The following COL23A1 variants were observed in gnomAD, a reference collection of about 807,000 sequenced individuals.
The protein encoded by COL23A1 is collagen alpha-1(XXIII) chain.
Under a neutral mutation model 99.3 loss-of-function variants are expected in COL23A1, and 97 were observed. The ratio of observed to expected loss-of-function variants is 0.98; its 90% CI spans 0.83 to 1.16. COL23A1 has a LOEUF of 1.16. Ranked by LOEUF, COL23A1 falls within the 50% of genes most tolerant of loss-of-function variation. The probability of loss-of-function intolerance (pLI) is 0.00; values close to 1 mark genes in which losing one functional copy is unlikely to be tolerated. For synonymous variants in COL23A1, 320 were observed against 308.2 expected (o/e 1.04, Z -0.40); for missense variants, 762 against 757.4 (o/e 1.01, Z -0.07).
intron 8 of COL23A1, among the ~76,000 whole-genome samples, chr5:178,266,534 C>G (rs777881387): frequency 1.1e-4 from 16 of 152,096 alleles, no homozygotes; most frequent in Admixed American, 2.6e-4. Flanking sequence ...GAAGAGAGGG[C>G]ATCCCCTTTT....
intron 2 of COL23A1, among the ~76,000 whole-genome samples, chr5:178,547,579 A>C (rs1283377160): frequency 3.2e-5 from 1 of 30,870 alleles, no homozygotes; most frequent in Admixed American, 5.5e-4. Flanking sequence ...ACACACCTAC[A>C]CCCACACCCC....
chr5:178,452,020 A>G (rs1767517229), intron 2 of COL23A1, among the ~76,000 whole-genome samples: 1 of 152,198 alleles, frequency 6.6e-6, no homozygotes, highest in Non-Finnish European at 1.5e-5. Context: ...TAAAGTTCAT[A>G]TGGAAAGCTA....
At position 178,565,151 on chromosome 5, in the gene COL23A1, C is replaced by T. The variant is rs369690562; in HGVS notation, c.295-4403G>A. On this transcript the variant is annotated intron_variant, in intron 1 of 28. Coordinates refer to ENST00000390654, the MANE Select transcript of COL23A1 (RefSeq NM_173465.4). ...ACGTAGAAACACAGGCATGGGGGAA[C>T]AGCAACTAACAAAACAACCCACATG... 3.8e-4 allele frequency among the ~76,000 whole-genome samples: 58 copies of T among 152,318 alleles called. 2 individuals carry two copies. The South Asian group carries it at 0.012, about 31-fold the overall frequency.
rs1036711074 is a variant in COL23A1, at chr5:178,310,558, C to T, written c.362-3639G>A. Among the ~76,000 whole-genome samples the T allele has an allele frequency of 6.6e-6, 1 of 152,216 alleles. No individual in the cohort carries two copies. Among genetic ancestry groups the T allele is most frequent in the African/African-American group, 2.4e-5 (1 of 41,460 alleles). ...CCACCTAAGGCTGTGTTGCTAGAGC[C>T]TCCTGGAGCCCTTCATAGTCTGTGG... On this transcript the variant is annotated intron_variant, in intron 2 of 28. Coordinates refer to ENST00000390654, the MANE Select transcript of COL23A1 (RefSeq NM_173465.4). The surrounding 1 kb of genome is among the most constrained non-coding windows in gnomAD (Gnocchi z 4.3).
At chr5:178,443,275 C>T (rs1017931005) in intron 2 of COL23A1, among the ~76,000 whole-genome samples, 4 of 152,188 alleles carry the variant, frequency 2.6e-5, no homozygotes, top group Non-Finnish European at 4.4e-5. Context: ...GAGCCTCGAG[C>T]GCTCTTCCTA....
chr5:178,381,573 G>T (rs1383448995), intron 2 of COL23A1, among the ~76,000 whole-genome samples: 1 of 152,238 alleles, frequency 6.6e-6, no homozygotes, highest in African/African-American at 2.4e-5. Flanking sequence ...GCAGCAGGCT[G>T]TCATGCCATA....
At chr5:178,449,682 T>G (rs1480745149) in intron 2 of COL23A1, among the ~76,000 whole-genome samples, 1 of 148,918 alleles carries the variant, frequency 6.7e-6, no homozygotes, top group African/African-American at 2.5e-5. Context: ...CCACCCCACC[T>G]TTTTACTATT....
At chr5:178,524,544 C>T (rs1373603774) in intron 2 of COL23A1, among the ~76,000 whole-genome samples, 1 of 152,198 alleles carries the variant, frequency 6.6e-6, no homozygotes, top group Non-Finnish European at 1.5e-5. Context: ...ATAACCCATG[C>T]TCAGCACAGG....
At chr5:178,446,292 C>T (rs958333718) in intron 2 of COL23A1, among the ~76,000 whole-genome samples, 1 of 150,770 alleles carries the variant, frequency 6.6e-6, no homozygotes, top group Non-Finnish European at 1.5e-5. Context: ...GATGTTCACA[C>T]AAGCATAAAA....
At chr5:178,558,794 CTT>C (rs113249914) in intron 2 of COL23A1, among the ~76,000 whole-genome samples, 37 of 144,514 alleles carry the variant, frequency 2.6e-4, no homozygotes, top group Admixed American at 3.5e-4. Flanking sequence ...CAATTTCTGA[CTT>C]TTTTTTTTTT....
At chr5:178,453,503 T>G (rs1397302785) in intron 2 of COL23A1, among the ~76,000 whole-genome samples, 1 of 152,180 alleles carries the variant, frequency 6.6e-6, no homozygotes, top group Non-Finnish European at 1.5e-5. Context: ...CTCAATTCTG[T>G]TAACTGCAGG....
intron 2 of COL23A1, among the ~76,000 whole-genome samples, chr5:178,480,156 A>G (rs561302369): frequency 1.3e-5 from 2 of 152,298 alleles, no homozygotes; most frequent in Non-Finnish European, 2.9e-5. Flanking sequence ...AAAAAAAAAA[A>G]AAAGAAAATT....
chr5:178,588,358 G>GT (rs747418335), intron 1 of COL23A1, among the ~76,000 whole-genome samples: 12 of 152,190 alleles, frequency 7.9e-5, no homozygotes, highest in Non-Finnish European at 1.5e-4. Context: ...TAAAATGGTT[G>GT]TATCAGGACT....
chr5:178,258,640 C>A (rs1364455308), intron 12 of COL23A1, among the ~76,000 whole-genome samples: 1 of 152,002 alleles, frequency 6.6e-6, no homozygotes, highest in Non-Finnish European at 1.5e-5. Context: ...CGTGATCAGC[C>A]TGCCTCGGCC....
intron 3 of COL23A1, among the ~76,000 whole-genome samples, chr5:178,295,852 G>C (rs1324389967): frequency 6.6e-6 from 1 of 152,246 alleles, no homozygotes; most frequent in East Asian, 1.9e-4. Context: ...CATTTTAAAA[G>C]GGTATAGAAT....
chr5:178,248,897 T>C (rs1337374106), intron 19 of COL23A1, among the ~76,000 whole-genome samples: 1 of 152,190 alleles, frequency 6.6e-6, no homozygotes, highest in Non-Finnish European at 1.5e-5. Context: ...TTAGCTGCCA[T>C]CTGAGGCAGG....
chr5:178,337,162 G>C (rs1468486745), intron 2 of COL23A1, among the ~76,000 whole-genome samples: 1 of 152,240 alleles, frequency 6.6e-6, no homozygotes, highest in Non-Finnish European at 1.5e-5. Flanking sequence ...CATTGCGCCA[G>C]GCCGGCCTCG....
intron 2 of COL23A1, among the ~76,000 whole-genome samples, chr5:178,429,709 T>C (rs538671113): frequency 3.4e-5 from 5 of 148,622 alleles, no homozygotes; most frequent in East Asian, 2.5e-4. Context: ...ATTTTCCACA[T>C]TGACGCCAGA....
chr5:178,425,259 C>G (rs938718675), intron 2 of COL23A1, among the ~76,000 whole-genome samples: 9 of 151,900 alleles, frequency 5.9e-5, no homozygotes, highest in Non-Finnish European at 1.2e-4. Flanking sequence ...CCGGTCTCTA[C>G]TAAAAATACA....
Sources: gnomAD v4.1 joint callset for allele counts (sites outside exome capture counted in the v4.1 genomes callset) on GRCh38, gnomAD v4.1.1 for gene constraint, Gnocchi (gnomAD v3.1) non-coding constraint, MANE v1.5 for transcripts, NCBI Gene and HGNC (gene_info 2026-07-23, HGNC 2026-07-21) for gene names.